Variants in KIRREL3 observed in about 807,000 individuals in gnomAD.
KIRREL3 encodes the protein kin of IRRE-like protein 3.
KIRREL3 carries 36 observed loss-of-function variants against 89.7 expected under a neutral mutation model. That is an observed-to-expected ratio of 0.40 (90% CI 0.31 to 0.53). The LOEUF is 0.53. Ranked by LOEUF, KIRREL3 falls within the 20% of genes least tolerant of loss-of-function variation. The pLI, the probability that KIRREL3 is intolerant of heterozygous loss-of-function variation, is 0.49. For missense variants in KIRREL3, 864 were observed against 1,056.6 expected (o/e 0.82, Z 2.53); for synonymous variants, 445 against 441.4 (o/e 1.01, Z -0.10).
In KIRREL3 at chr11:126,923,129, C is replaced by CCCTTCTTCT. The variant is rs1555090095; in HGVS notation, c.55+77325_55+77326insAGAAGAAGG. ...CCTTCTCCTTCTCCTTCTCCTTCTTCTCTTCTTCTTCTTCTTCTTCTTCTT... is the reference window on the plus strand; with the variant it reads ...CCTTCTCCTTCTCCTTCTCCTTCTTCCCTTCTTCTTCTTCTTCTTCTTCTTCTTCTTCTT... On this transcript the variant is annotated intron_variant, in intron 1 of 16. Transcript: ENST00000525144. Among the ~76,000 whole-genome samples, 4 of 25,740 alleles carry CCCTTCTTCT rather than the reference C, an allele frequency of 1.6e-4. 2 individuals are homozygous for CCCTTCTTCT. Among genetic ancestry groups the CCCTTCTTCT allele is most frequent in the South Asian group, 3.1e-3 (2 of 642 alleles). The allele number at this position is 25,740 out of a possible 152,430, so 16.9% of individuals were successfully genotyped here.
chr11:126,933,387 C>A (rs958436296), intron 1 of KIRREL3, among the ~76,000 whole-genome samples: 1 of 151,734 alleles, frequency 6.6e-6, no homozygotes, highest in African/African-American at 2.4e-5. Context: ...ATTTGTAAGC[C>A]CTTCCTCCTT....
At chr11:126,494,198 G>A (rs1156446184) in intron 4 of KIRREL3, among the ~76,000 whole-genome samples, 1 of 152,166 alleles carries the variant, frequency 6.6e-6, no homozygotes, top group Non-Finnish European at 1.5e-5. Flanking sequence ...TCGAAAATGA[G>A]ATAAGCAAAG....
In KIRREL3 at chr11:126,754,673, T is replaced by C. The variant is rs1276373479; in HGVS notation, c.56-191761A>G. Among the ~76,000 whole-genome samples, 1 of 152,146 alleles carries C rather than the reference T, an allele frequency of 6.6e-6. No homozygotes were observed. Among genetic ancestry groups the C allele is most frequent in the African/African-American group, 2.4e-5 (1 of 41,424 alleles). On this transcript the variant is annotated intron_variant, in intron 1 of 16. Transcript: ENST00000525144. The surrounding 1 kb of genome is among the most constrained non-coding windows in gnomAD (Gnocchi z 5.1). ...GGTGTCAGGTGGCTGTGTTGTCTTC[T>C]TTCTGAGTTGTCTTCTCTCTTCTCC...
At chr11:126,546,039 T>C (rs1261069584) in intron 2 of KIRREL3, among the ~76,000 whole-genome samples, 1 of 152,208 alleles carries the variant, frequency 6.6e-6, no homozygotes, top group Non-Finnish European at 1.5e-5. Flanking sequence ...CTCTCAAGAT[T>C]CTGGTGATGA....
chr11:126,712,809 A>G (rs562744362), intron 1 of KIRREL3, among the ~76,000 whole-genome samples: 1 of 152,344 alleles, frequency 6.6e-6, no homozygotes, highest in South Asian at 2.1e-4. Context: ...CTCCTACAAA[A>G]TGAAAAATGG....
chr11:126,989,174 T>A lies in KIRREL3; in HGVS notation c.55+11281A>T, dbSNP rs1949953734. ...TACCCTTGTAGCATCAACTCTGCAG[T>A]TTGAAGTAAGGTTTTGCAAAACTTA... On this transcript the variant is annotated intron_variant, in intron 1 of 16. Coordinates refer to ENST00000525144, the MANE Select transcript of KIRREL3 (RefSeq NM_032531.4). This position sits in a 1 kb window ranked among gnomAD's most constrained non-coding sequence, Gnocchi z 6.2. 6.6e-6 allele frequency among the ~76,000 whole-genome samples: 1 copy of A among 152,170 alleles called. No individual in the cohort carries two copies. The highest frequency in any genetic ancestry group is 2.4e-5 in the African/African-American group (1 of 41,452).
At position 126,997,021 on chromosome 11, in the gene KIRREL3, C is replaced by T. The variant is rs1950197293; in HGVS notation, c.55+3434G>A. Among the ~76,000 whole-genome samples the T allele has an allele frequency of 6.6e-6, 1 of 152,098 alleles. No homozygotes were observed. The highest frequency in any genetic ancestry group is 1.5e-5 in the Non-Finnish European group (1 of 68,022). ...GCCACTGTGGCTCCCCTGTCTATCT[C>T]CCCTGTCTCCGAGGTGGAGATCAGA... On this transcript the variant is annotated intron_variant, in intron 1 of 16. Transcript: ENST00000525144. The surrounding 1 kb of genome is among the most constrained non-coding windows in gnomAD (Gnocchi z 4.3).
chr11:126,928,045 C>T (rs1273075573), intron 1 of KIRREL3, among the ~76,000 whole-genome samples: 2 of 152,230 alleles, frequency 1.3e-5, no homozygotes, highest in African/African-American at 4.8e-5. Context: ...TGGATGAAGG[C>T]TCCAAGATGG....
Position 126,755,800 on chromosome 11 carries a change from G to A in KIRREL3, c.56-192888C>T, listed in dbSNP as rs943340917. Among the ~76,000 whole-genome samples, 9 of 151,438 alleles carry A rather than the reference G, an allele frequency of 5.9e-5. No homozygotes were observed. Among genetic ancestry groups the A allele is most frequent in the African/African-American group, 9.7e-5 (4 of 41,108 alleles). On this transcript the variant is annotated intron_variant, in intron 1 of 16. Transcript: ENST00000525144. The surrounding 1 kb of genome is among the most constrained non-coding windows in gnomAD (Gnocchi z 4.3). ...ACCCCCTCACCACTACCCTGAATGC[G>A]TGCTCGCCATCTGCCATTCAGGCAG...
rs1828903768 is a variant in KIRREL3, at chr11:126,795,138, T to C, written c.55+205317A>G. The stretch of plus-strand genomic sequence containing the variant: ...GTGTTTGTTAGGGCACTGAAACTAT[T>C]CTGTATGATCATGTAATGGTGGATA... On this transcript the variant is annotated intron_variant, in intron 1 of 16. Transcript: ENST00000525144. This position sits in a 1 kb window ranked among gnomAD's most constrained non-coding sequence, Gnocchi z 4.1. Among the ~76,000 whole-genome samples, 1 of 152,180 alleles carries C rather than the reference T, an allele frequency of 6.6e-6. No homozygotes were observed. Among genetic ancestry groups the C allele is most frequent in the Non-Finnish European group, 1.5e-5 (1 of 68,024 alleles).
chr11:126,911,585 T>C (rs889653192), intron 1 of KIRREL3, among the ~76,000 whole-genome samples: 4 of 152,132 alleles, frequency 2.6e-5, no homozygotes, highest in Admixed American at 2.0e-4. Flanking sequence ...ATCTGACCTG[T>C]GGACCACCCC....
At chr11:126,751,345 G>A (rs1046960954) in intron 1 of KIRREL3, among the ~76,000 whole-genome samples, 3 of 152,214 alleles carry the variant, frequency 2.0e-5, no homozygotes, top group Non-Finnish European at 4.4e-5. Flanking sequence ...ATTGCTTTGA[G>A]CGAACCACTT....
chr11:126,889,141 G>C (rs926858205), intron 1 of KIRREL3, among the ~76,000 whole-genome samples: 1 of 152,132 alleles, frequency 6.6e-6, no homozygotes, highest in Non-Finnish European at 1.5e-5. Flanking sequence ...CCATCACCAC[G>C]ATCAGGACTG....
At position 126,654,939 on chromosome 11, in the gene KIRREL3, C is replaced by T. The variant is rs1454704198; in HGVS notation, c.56-92027G>A. ...AGGACCATTCATTCACCCCAGAGGC[C>T]GCTCCTTGCTTTTATCCTGTCCTCA... On this transcript the variant is annotated intron_variant, in intron 1 of 16. Coordinates refer to ENST00000525144, the MANE Select transcript of KIRREL3 (RefSeq NM_032531.4). Among the ~76,000 whole-genome samples, 6 of 152,184 alleles carry T rather than the reference C, an allele frequency of 3.9e-5. No homozygotes were observed. The East Asian group carries it at 7.7e-4, about 20-fold the overall frequency.
At chr11:126,964,951 T>C (rs1031854515) in intron 1 of KIRREL3, among the ~76,000 whole-genome samples, 3 of 152,188 alleles carry the variant, frequency 2.0e-5, no homozygotes, top group African/African-American at 7.2e-5. Context: ...GAAAGCAATA[T>C]TAATACTAAG....
rs1441165385 is a variant in KIRREL3 at position 126,563,549 on chromosome 11, G to A, written c.56-637C>T. ...CCTTCCTATATCAAGGCCCAATTTA[G>A]CACCATCATCAAGCACTTATGAAAT... On this transcript the variant is annotated intron_variant, in intron 1 of 16. Transcript: ENST00000525144. This position sits in a 1 kb window ranked among gnomAD's most constrained non-coding sequence, Gnocchi z 6.8. Among the ~76,000 whole-genome samples the A allele has an allele frequency of 1.3e-5, 2 of 152,148 alleles. No homozygotes were observed. The highest frequency in any genetic ancestry group is 2.9e-5 in the Non-Finnish European group (2 of 68,036).
intron 1 of KIRREL3, among the ~76,000 whole-genome samples, chr11:126,825,852 A>G (rs1490752897): frequency 6.6e-6 from 1 of 152,214 alleles, no homozygotes; most frequent in East Asian, 1.9e-4. Context: ...GCCCAAGGTC[A>G]CACAAGGCCG....
At chr11:126,440,352 C>G (rs767570508) in intron 11 of KIRREL3, 97 bp downstream of exon 11, 1 of 1,031,010 alleles carries the variant, frequency 9.7e-7, no homozygotes. Context: ...AGAGGAACCT[C>G]GGAGGTGTGC....
At chr11:126,517,133 AGAAAG>A (rs1958436225) in intron 4 of KIRREL3, among the ~76,000 whole-genome samples, 1 of 124,528 alleles carries the variant, frequency 8.0e-6, no homozygotes. Flanking sequence ...AGAGAGAGAG[AGAAAG>A]AGAGAGAGAG....
Sources: allele counts gnomAD v4.1 joint callset (sites outside exome capture counted in the v4.1 genomes callset), GRCh38; gene constraint gnomAD v4.1.1; non-coding constraint Gnocchi (gnomAD v3.1); transcripts MANE v1.5; gene names NCBI Gene and HGNC (gene_info 2026-07-23, HGNC 2026-07-21).